Variants in DOCK3 observed in about 807,000 individuals in gnomAD.
DOCK3 encodes the protein dedicator of cytokinesis protein 3.
Under a neutral mutation model 265.6 loss-of-function variants are expected in DOCK3, and 60 were observed. The ratio of observed to expected loss-of-function variants is 0.23; its 90% CI spans 0.18 to 0.28. The LOEUF (loss-of-function observed/expected upper bound fraction) is 0.28, where lower values mean the gene tolerates loss of function less well. Among genes scored for constraint, DOCK3 ranks in the 10% least tolerant of loss-of-function variants. The probability of loss-of-function intolerance (pLI) is 1.00; values close to 1 mark genes in which losing one functional copy is unlikely to be tolerated. For missense variants in DOCK3, 1,981 were observed against 2,594.3 expected (o/e 0.76, Z 5.14); for synonymous variants, 881 against 938.0 (o/e 0.94, Z 1.11).
chr3:51,356,194 G>C lies in DOCK3; in HGVS notation c.4355G>C (p.Arg1452Thr), dbSNP rs2086349462. 3 of 1,614,014 alleles carry C rather than the reference G, an allele frequency of 1.9e-6. No individual in the cohort carries two copies. In the East Asian group the frequency reaches 6.7e-5, roughly 36 times the overall value. The change falls in exon 42 of 53, where the codon AGG becomes ACG. Residue 1452 changes from arginine to threonine, a missense_variant. Arg to Thr is a moderately conservative substitution (Grantham distance 71, BLOSUM62 -1). Transcript: ENST00000266037. ...VKSFYRVNNV[R>T]KFRYDRPFHK... ...AGCTTCTATCGCGTCAACAATGTGA[G>C]GAAGTTCCGGTATGACAGGCCTTTT...
chr3:51,340,931 G>A (rs2085194455), intron 37 of DOCK3, among the ~76,000 whole-genome samples: 1 of 152,210 alleles, frequency 6.6e-6, no homozygotes, highest in Admixed American at 6.5e-5. Context: ...GTCTCCCAAA[G>A]CAAGGCAGCC....
chr3:51,040,461 C>T (rs1032349831), intron 5 of DOCK3, among the ~76,000 whole-genome samples: 11 of 152,132 alleles, frequency 7.2e-5, no homozygotes, highest in African/African-American at 2.4e-4. Flanking sequence ...ATCATCTGAT[C>T]CTTCAGCCAG....
chr3:50,753,208 G>C (rs752484770), intron 1 of DOCK3, among the ~76,000 whole-genome samples: 2 of 152,164 alleles, frequency 1.3e-5, no homozygotes, highest in East Asian at 3.8e-4. Flanking sequence ...AGTGTTCCTT[G>C]TTCCCTGTGA....
chr3:51,309,660 G>A (rs1342614297), intron 27 of DOCK3, among the ~76,000 whole-genome samples: 1 of 151,944 alleles, frequency 6.6e-6, no homozygotes, highest in Admixed American at 6.6e-5. Context: ...AGAGCTCTTT[G>A]TTTCTTACAG....
intron 6 of DOCK3, among the ~76,000 whole-genome samples, chr3:51,067,427 TTGTG>T (rs60551624): frequency 3.2e-4 from 46 of 144,200 alleles, no homozygotes; most frequent in Admixed American, 1.2e-3. Flanking sequence ...TGAAATATGT[TTGTG>T]TGTGTGTGTG....
chr3:50,713,560 T>C (rs190094234), intron 1 of DOCK3, among the ~76,000 whole-genome samples: 2 of 152,276 alleles, frequency 1.3e-5, no homozygotes, highest in East Asian at 1.9e-4. Flanking sequence ...TCACATTCAG[T>C]GTTTCAAGTA....
chr3:50,787,212 C>A, intron 2 of DOCK3: 1 of 600,910 alleles, frequency 1.7e-6, no homozygotes, highest in South Asian at 1.8e-5. Context: ...CTGCATGTGC[C>A]TATGAGTAAT....
At chr3:51,098,406 G>A (rs1406246518) in intron 9 of DOCK3, among the ~76,000 whole-genome samples, 2 of 152,118 alleles carry the variant, frequency 1.3e-5, no homozygotes, top group Non-Finnish European at 2.9e-5. Context: ...AGGATACCTT[G>A]CATAAACTAA....
At chr3:51,354,757 C>G (rs2086247756) in intron 40 of DOCK3, 125 bp from the exon 41 acceptor site, 1 of 1,440,738 alleles carries the variant, frequency 6.9e-7, no homozygotes, top group African/African-American at 1.4e-5. Context: ...CTGTGCCTGT[C>G]CCAGGGCCTG....
chr3:51,106,647 C>A (rs2083291985), intron 9 of DOCK3, among the ~76,000 whole-genome samples: 1 of 152,170 alleles, frequency 6.6e-6, no homozygotes, highest in African/African-American at 2.4e-5. Flanking sequence ...GTGGACTTGC[C>A]CCTAGCCCTG....
chr3:50,974,134 T>C (rs1384167676), intron 5 of DOCK3, among the ~76,000 whole-genome samples: 1 of 151,648 alleles, frequency 6.6e-6, no homozygotes, highest in Non-Finnish European at 1.5e-5. Flanking sequence ...ACAGAAGCTC[T>C]TTAGTTTAAT....
chr3:50,683,108 C>A (rs1044120243), intron 1 of DOCK3, among the ~76,000 whole-genome samples: 1 of 152,194 alleles, frequency 6.6e-6, no homozygotes, highest in Admixed American at 6.5e-5. Context: ...TTGGAGACTT[C>A]TGAGGTGCCA....
chr3:50,940,582 A>T (rs1454432877), intron 5 of DOCK3, among the ~76,000 whole-genome samples: 7 of 152,126 alleles, frequency 4.6e-5, no homozygotes, highest in East Asian at 1.9e-4. Flanking sequence ...TTATTTTTTT[A>T]AATTAAAAAT....
At chr3:51,215,203 G>A (rs1280680910) in intron 14 of DOCK3, among the ~76,000 whole-genome samples, 8 of 152,138 alleles carry the variant, frequency 5.3e-5, no homozygotes, top group Non-Finnish European at 1.5e-5. Flanking sequence ...CACCCACTAG[G>A]TGCAAGCAAT....
At chr3:51,316,817 T>C (rs1016798612) in intron 32 of DOCK3, among the ~76,000 whole-genome samples, 8 of 152,228 alleles carry the variant, frequency 5.3e-5, no homozygotes, top group African/African-American at 1.9e-4. Flanking sequence ...GCTTTCCTTA[T>C]TGTTGAATTG....
intron 9 of DOCK3, among the ~76,000 whole-genome samples, chr3:51,135,381 C>T (rs934439655): frequency 6.6e-6 from 1 of 152,180 alleles, no homozygotes; most frequent in South Asian, 2.1e-4. Context: ...CATTGCAGCC[C>T]AGATGCTCAG....
In DOCK3 at chr3:51,096,373, A is replaced by G. The variant is rs541143524; in HGVS notation, c.746+5989A>G. 4.0e-5 allele frequency among the ~76,000 whole-genome samples: 6 copies of G among 149,828 alleles called. No homozygotes were observed. In the South Asian group the frequency reaches 1.3e-3, roughly 32 times the overall value. ...TTTTTTTCTCTAATCTTTTCTTCAC[A>G]CTTTATTTCATTAAGTTGATCTTCA... On this transcript the variant is annotated intron_variant, in intron 9 of 52. Transcript: ENST00000266037.
intron 1 of DOCK3, among the ~76,000 whole-genome samples, chr3:50,715,569 A>G (rs2037055230): frequency 6.6e-6 from 1 of 152,190 alleles, no homozygotes; most frequent in African/African-American, 2.4e-5. Context: ...CAAGAAAAAA[A>G]AATGAGTAGG....
At chr3:51,240,335 G>A (rs1048254656) in intron 21 of DOCK3, among the ~76,000 whole-genome samples, 4 of 152,318 alleles carry the variant, frequency 2.6e-5, no homozygotes, top group African/African-American at 9.6e-5. Context: ...TTTTGCTGAG[G>A]AGTGTTTTGT....
Sources: allele counts gnomAD v4.1 joint callset (sites outside exome capture counted in the v4.1 genomes callset), GRCh38; gene constraint gnomAD v4.1.1; transcripts MANE v1.5; gene names NCBI Gene and HGNC (gene_info 2026-07-23, HGNC 2026-07-21).